PARN: variants seen among roughly 807,000 people sequenced by gnomAD.
PARN encodes poly(A)-specific ribonuclease PARN.
Under a neutral mutation model 102.8 loss-of-function variants are expected in PARN, and 71 were observed. That is an observed-to-expected ratio of 0.69 (90% CI 0.57 to 0.84). PARN has a LOEUF of 0.84. Ranked by LOEUF, PARN falls within the 40% of genes least tolerant of loss-of-function variation. The probability of loss-of-function intolerance (pLI) is 0.00; values close to 1 mark genes in which losing one functional copy is unlikely to be tolerated. For missense variants in PARN, 782 were observed against 760.9 expected (o/e 1.03, Z -0.33); for synonymous variants, 261 against 252.9 (o/e 1.03, Z -0.30).
chr16:14,531,361 C>CAAA (rs113584468), intron 21 of PARN, among the ~76,000 whole-genome samples: 1 of 139,182 alleles, frequency 7.2e-6, no homozygotes. Flanking sequence ...GACTCCATCT[C>CAAA]AAAAAAAAAA....
At chr16:14,608,826 T>C (rs1229042697) in intron 8 of PARN, among the ~76,000 whole-genome samples, 6 of 152,162 alleles carry the variant, frequency 3.9e-5, no homozygotes, top group Admixed American at 1.3e-4. Flanking sequence ...AAAGTCAAGG[T>C]TGCACAACAG....
At chr16:14,468,512 T>C (rs976827563) in intron 22 of PARN, among the ~76,000 whole-genome samples, 3 of 152,040 alleles carry the variant, frequency 2.0e-5, no homozygotes, top group South Asian at 2.1e-4. Context: ...ATAGCTTGTA[T>C]AGGATGGTCC....
chr16:14,451,869 CAAAAA>C (rs869041563), intron 22 of PARN, among the ~76,000 whole-genome samples: 1 of 52,498 alleles, frequency 1.9e-5, no homozygotes, highest in Non-Finnish European at 3.2e-5. Context: ...AAAAAAAATA[CAAAAA>C]AAAAAAAAAA....
chr16:14,563,851 A>C (rs1968261952), intron 18 of PARN, among the ~76,000 whole-genome samples: 2 of 152,152 alleles, frequency 1.3e-5, no homozygotes, highest in African/African-American at 2.4e-5. Flanking sequence ...TTCTGGGCTG[A>C]GGAATTATGA....
At chr16:14,585,882 T>C (rs894779481) in intron 14 of PARN, among the ~76,000 whole-genome samples, 2 of 152,060 alleles carry the variant, frequency 1.3e-5, no homozygotes, top group Admixed American at 6.6e-5. Flanking sequence ...CATCACAACA[T>C]TGGAGACATT....
intron 5 of PARN, among the ~76,000 whole-genome samples, chr16:14,617,912 G>A (rs1020004481): frequency 6.6e-5 from 10 of 151,894 alleles, no homozygotes; most frequent in Non-Finnish European, 1.2e-4. Context: ...TCACTATGTT[G>A]CCCAGGCTGG....
chr16:14,483,424 C>A (rs1456682177), intron 21 of PARN, among the ~76,000 whole-genome samples: 1 of 152,186 alleles, frequency 6.6e-6, no homozygotes, highest in Non-Finnish European at 1.5e-5. Context: ...TGCAGACCAT[C>A]CCTGGGTGAA....
At chr16:14,533,345 A>G (rs1321779173) in intron 21 of PARN, among the ~76,000 whole-genome samples, 1 of 151,786 alleles carries the variant, frequency 6.6e-6, no homozygotes, top group East Asian at 2.0e-4. Flanking sequence ...CAGTGAGCCG[A>G]GATGGCAGCA....
At chr16:14,565,194 C>T (rs1235319546) in intron 18 of PARN, 2 of 152,140 alleles carry the variant, frequency 1.3e-5, no homozygotes, top group Non-Finnish European at 2.9e-5. Context: ...ACAAAATAAG[C>T]TCATTTATTT....
rs910106628 is a variant in PARN at position 14,607,661 on chromosome 16, A to G, written c.659+620T>C. On this transcript the variant is annotated intron_variant, in intron 9 of 23. Coordinates refer to ENST00000437198, the MANE Select transcript of PARN (RefSeq NM_002582.4). Reference sequence around the variant, plus strand: ...AGGCTGCAAGGACGACATGACAGGAAAGGAGTGTGGGCAAACTAAACAGCC... The same window carrying G: ...AGGCTGCAAGGACGACATGACAGGAGAGGAGTGTGGGCAAACTAAACAGCC... Among the ~76,000 whole-genome samples the G allele has an allele frequency of 1.8e-4, 28 of 152,156 alleles. 2 individuals are homozygous for G. The highest frequency in any genetic ancestry group is 5.9e-5 in the Non-Finnish European group (4 of 68,024).
chr16:14,590,061 G>C (rs1360623855), intron 13 of PARN, among the ~76,000 whole-genome samples: 1 of 151,464 alleles, frequency 6.6e-6, no homozygotes, highest in East Asian at 1.9e-4. Context: ...GACCAGCCTT[G>C]CCAACATGGT....
intron 22 of PARN, among the ~76,000 whole-genome samples, chr16:14,479,278 C>T (rs1453900483): frequency 1.3e-5 from 2 of 151,678 alleles, no homozygotes; most frequent in South Asian, 4.2e-4. Flanking sequence ...AAAAATTAGC[C>T]GGGAGTGATT....
chr16:14,510,638 A>G (rs1180458599), intron 21 of PARN, among the ~76,000 whole-genome samples: 1 of 152,244 alleles, frequency 6.6e-6, no homozygotes, highest in Non-Finnish European at 1.5e-5. Flanking sequence ...AGCTGGACTT[A>G]GTTTCTTAAT....
chr16:14,449,317 G>T (rs979193056), intron 22 of PARN, among the ~76,000 whole-genome samples: 2 of 151,978 alleles, frequency 1.3e-5, no homozygotes, highest in African/African-American at 4.8e-5. Flanking sequence ...AAGCAGAAAA[G>T]GATAAAATTA....
Position 14,541,112 on chromosome 16 carries a change from G to A in PARN, c.1480+10909C>T, listed in dbSNP as rs1009397064. Among the ~76,000 whole-genome samples the A allele has an allele frequency of 1.3e-3, 188 of 150,020 alleles. 1 individual carries two copies. The highest frequency in any genetic ancestry group is 4.0e-3 in the African/African-American group (163 of 40,970). ...TTGAGACCAGCCTGGACATCATGGC[G>A]AAACATCTTTTTTTTTTTTTTTTTT... On this transcript the variant is annotated intron_variant, in intron 21 of 23. Coordinates refer to ENST00000437198, the MANE Select transcript of PARN (RefSeq NM_002582.4).
intron 21 of PARN, among the ~76,000 whole-genome samples, chr16:14,532,496 A>G (rs1264662065): frequency 6.6e-6 from 1 of 151,558 alleles, no homozygotes; most frequent in Non-Finnish European, 1.5e-5. Context: ...GTTGGGGGCA[A>G]GGTCACAGAT....
At chr16:14,521,949 G>A (rs535856401) in intron 21 of PARN, among the ~76,000 whole-genome samples, 2 of 152,268 alleles carry the variant, frequency 1.3e-5, no homozygotes, top group Non-Finnish European at 2.9e-5. Context: ...ACTGCCTACT[G>A]TATTCAGTAC....
chr16:14,597,696 CAA>C (rs147618787), intron 12 of PARN, among the ~76,000 whole-genome samples: 5 of 114,988 alleles, frequency 4.3e-5, no homozygotes, highest in Non-Finnish European at 3.7e-5. Flanking sequence ...GACTCCATCT[CAA>C]AAAAAAAAAA....
At chr16:14,613,006 G>A (rs1022756720) in intron 6 of PARN, among the ~76,000 whole-genome samples, 2 of 152,020 alleles carry the variant, frequency 1.3e-5, no homozygotes, top group African/African-American at 2.4e-5. Context: ...ATTGGGACAC[G>A]GGTGGTATTA....
Sources: gnomAD v4.1 joint callset for allele counts (sites outside exome capture counted in the v4.1 genomes callset) on GRCh38, gnomAD v4.1.1 for gene constraint, MANE v1.5 for transcripts, NCBI Gene and HGNC (gene_info 2026-07-23, HGNC 2026-07-21) for gene names.